The following RNF10 variants were observed in gnomAD, a reference collection of about 807,000 sequenced individuals.
RNF10 encodes the protein ring finger protein 10, also known as E3 ubiquitin-protein ligase RNF10.
A neutral mutation model predicts 91.4 loss-of-function variants in RNF10; 38 were observed. The observed-to-expected ratio is 0.42, with a 90% CI of 0.32 to 0.54. The LOEUF (loss-of-function observed/expected upper bound fraction) is 0.54, where lower values mean the gene tolerates loss of function less well. Among genes scored for constraint, RNF10 ranks in the 20% least tolerant of loss-of-function variants. The pLI, the probability that RNF10 is intolerant of heterozygous loss-of-function variation, is 0.16. For synonymous variants in RNF10, 364 were observed against 366.3 expected (o/e 0.99, Z 0.07); for missense variants, 945 against 1,012.0 (o/e 0.93, Z 0.90).
At chr12:120,563,200 T>C (rs1875161184) in intron 8 of RNF10, 130 bp downstream of exon 8, 2 of 1,491,680 alleles carry the variant, frequency 1.3e-6, no homozygotes, top group Non-Finnish European at 1.8e-6. Flanking sequence ...ATGCTTGTTA[T>C]TAGTTCTTTC....
At chr12:120,569,781 G>A (rs148713329) in intron 13 of RNF10, among the ~76,000 whole-genome samples, 6,908 of 151,914 alleles carry the variant, frequency 0.045, 263 homozygotes, top group South Asian at 0.1. Context: ...CAAGTGATCC[G>A]CCTGCCTCGG....
intron 4 of RNF10, 119 bp from the exon 5 acceptor site, chr12:120,557,163 A>C: frequency 1.2e-6 from 1 of 809,850 alleles, no homozygotes. Flanking sequence ...TGTTGAGTAT[A>C]AGGATGTACG....
At chr12:120,539,348 T>C in intron 1 of RNF10, 4 of 1,198,842 alleles carry the variant, frequency 3.3e-6, no homozygotes, top group Non-Finnish European at 4.4e-6. Context: ...TGATACCACC[T>C]CTCTCTTCCT....
At chr12:120,554,319 G>T in intron 3 of RNF10, 1 of 189,036 alleles carries the variant, frequency 5.3e-6, no homozygotes, top group Non-Finnish European at 1.1e-5. Context: ...GGGATTACAA[G>T]TGTGAGCCAC....
chr12:120,539,626 G>T (rs1167066923), intron 1 of RNF10, among the ~76,000 whole-genome samples: 1 of 152,156 alleles, frequency 6.6e-6, no homozygotes, highest in Non-Finnish European at 1.5e-5. Context: ...ATTTGGTAAT[G>T]GGGGGAGGCT....
chr12:120,564,003 G>A, intron 10 of RNF10, 60 bp downstream of exon 10: 1 of 1,597,444 alleles, frequency 6.3e-7, no homozygotes, highest in Admixed American at 1.7e-5. Flanking sequence ...TCTCTTTGAG[G>A]TAGGCCTAGC....
At chr12:120,571,797 G>A (rs997031943) in intron 14 of RNF10, among the ~76,000 whole-genome samples, 14 of 152,164 alleles carry the variant, frequency 9.2e-5, no homozygotes, top group African/African-American at 3.4e-4. Flanking sequence ...CATAAAATGA[G>A]CCATTTCTCT....
chr12:120,563,905 G>A lies in RNF10; in HGVS notation c.1627G>A (p.Ala543Thr). The A allele has an allele frequency of 6.2e-7, 1 of 1,614,182 alleles. No individual in the cohort carries two copies. The highest frequency in any genetic ancestry group is 8.5e-7 in the Non-Finnish European group (1 of 1,180,028). The change falls in exon 10 of 17, where the codon GCA becomes ACA. Residue 543 changes from alanine to threonine, a missense_variant. Ala to Thr is a moderately conservative substitution (Grantham distance 58). Coordinates refer to ENST00000325954, the MANE Select transcript of RNF10 (RefSeq NM_014868.5). The part of the protein sequence containing the change: ...SLERSPEKIS[A>T]TVVEIAGYSM... ...GGAGAGGAGCCCCGAGAAGATCTCA[G>A]CAACTGTGGTGGAGATTGCTGGCTA...
intron 8 of RNF10, 137 bp from the exon 9 acceptor site, chr12:120,563,210 C>G: frequency 2.0e-6 from 3 of 1,479,422 alleles, no homozygotes; most frequent in Non-Finnish European, 2.8e-6. Context: ...TTAGTTCTTT[C>G]CCCAGGGGTG....
intron 1 of RNF10, 98 bp downstream of exon 1, chr12:120,535,066 C>CT (rs1870544927): frequency 1.5e-6 from 2 of 1,327,454 alleles, no homozygotes; most frequent in South Asian, 1.5e-5. Flanking sequence ...ACAGGCTCCA[C>CT]TTTCTTTTAT....
intron 13 of RNF10, among the ~76,000 whole-genome samples, chr12:120,569,997 A>G (rs956936005): frequency 1.5e-4 from 23 of 151,922 alleles, no homozygotes; most frequent in Admixed American, 7.9e-4. Context: ...GGTTCAAGCG[A>G]TTCTCCTGCC....
chr12:120,559,160 C>A (rs1484462962), intron 6 of RNF10, among the ~76,000 whole-genome samples: 1 of 139,060 alleles, frequency 7.2e-6, no homozygotes, highest in African/African-American at 2.7e-5. Flanking sequence ...TGTTGATAGG[C>A]TGGTCTTGAA....
intron 1 of RNF10, among the ~76,000 whole-genome samples, 182 bp from the exon 2 acceptor site, chr12:120,546,223 A>G (rs1427845565): frequency 6.6e-6 from 1 of 151,466 alleles, no homozygotes; most frequent in African/African-American, 2.5e-5. Flanking sequence ...TCATTATTGC[A>G]AGAAAAAAAC....
chr12:120,576,800 C>G lies in RNF10; in HGVS notation c.*134C>G. ...TAGCTCTGGGGGGAGGGGGTTTCCA[C>G]AATGTGAGGGGGAACCAAGAAAATT... On this transcript the variant is annotated 3_prime_UTR_variant, in exon 17 of 17. Transcript: ENST00000325954. The G allele has an allele frequency of 1.6e-6, 2 of 1,236,304 alleles. No individual in the cohort carries two copies. Among genetic ancestry groups the G allele is most frequent in the Non-Finnish European group, 2.2e-6 (2 of 894,084 alleles). 76.6% of individuals were successfully genotyped at this position (1,236,304 alleles called of 1,614,324 possible). A position where few individuals can be genotyped will look rare whatever the true frequency, so the allele number is the denominator to read the frequency against.
chr12:120,534,988 A>G lies in RNF10; in HGVS notation c.157+20A>G, dbSNP rs1870525884. 6 of 1,581,510 alleles carry G rather than the reference A, an allele frequency of 3.8e-6. No homozygotes were observed. The highest frequency in any genetic ancestry group is 5.1e-6 in the Non-Finnish European group (6 of 1,171,334). ...AGAGCGGTAAGGACGGGCCTGCGGC[A>G]GTGGGCGGGGGCGACTGCCCCTGCT... On this transcript the variant is annotated intron_variant, in intron 1 of 16. Transcript: ENST00000325954.
chr12:120,567,135 C>A (rs1353918141), intron 13 of RNF10, among the ~76,000 whole-genome samples, 155 bp downstream of exon 13: 2 of 152,174 alleles, frequency 1.3e-5, no homozygotes, highest in Non-Finnish European at 2.9e-5. Context: ...TTCTTTTATT[C>A]ATCTTTCCCA....
chr12:120,550,716 C>T (rs1480285484), intron 2 of RNF10, among the ~76,000 whole-genome samples: 4 of 151,802 alleles, frequency 2.6e-5, no homozygotes, highest in East Asian at 1.9e-4. Context: ...CCTGCCTCAG[C>T]CTCCCGAGTA....
chr12:120,576,725 A>T lies in RNF10; in HGVS notation c.*59A>T. On this transcript the variant is annotated 3_prime_UTR_variant, in exon 17 of 17. Transcript: ENST00000325954. ...TTTTGTTTTTGTTTTTTTTTCCCCC[A>T]TGCTTTTGTTTGGCTGCTGTAATTT... 2 of 1,586,410 alleles carry T rather than the reference A, an allele frequency of 1.3e-6. No individual in the cohort carries two copies. The highest frequency in any genetic ancestry group is 1.9e-5 in the Admixed American group (1 of 53,130).
chr12:120,546,707 AATAG>A, intron 2 of RNF10, 106 bp downstream of exon 2: 2 of 993,268 alleles, frequency 2.0e-6, no homozygotes, highest in East Asian at 2.6e-5. Flanking sequence ...GAGGTAGAGG[AATAG>A]ATAATCAAAG....
Sources: allele counts gnomAD v4.1 joint callset (sites outside exome capture counted in the v4.1 genomes callset), GRCh38; gene constraint gnomAD v4.1.1; transcripts MANE v1.5; gene names NCBI Gene and HGNC (gene_info 2026-07-23, HGNC 2026-07-21).